Variants in ZIM2 observed in about 807,000 individuals in gnomAD.
ZIM2 encodes zinc finger imprinted 2.
In ZIM2, 14 loss-of-function variants were observed where a neutral mutation model predicts 38.6. That is an observed-to-expected ratio of 0.36 (90% CI 0.24 to 0.57). The LOEUF (loss-of-function observed/expected upper bound fraction) is 0.57. Ranked by LOEUF, ZIM2 falls within the 20% of genes least tolerant of loss-of-function variation. The pLI, the probability that ZIM2 is intolerant of heterozygous loss-of-function variation, is 0.81. For synonymous variants in ZIM2, 247 were observed against 245.8 expected (o/e 1.00, Z -0.04); for missense variants, 680 against 695.1 (o/e 0.98, Z 0.24).
chr19:56,824,502 G>C, intron 3 of ZIM2, 75 bp from the exon 4 acceptor site: 1 of 1,614,048 alleles, frequency 6.2e-7, no homozygotes, highest in Non-Finnish European at 8.5e-7. Flanking sequence ...ACATAGATTA[G>C]GTTCCGAAAC....
chr19:56,839,249 T>TC (rs1295772816), intron 1 of ZIM2, among the ~76,000 whole-genome samples: 2 of 96,776 alleles, frequency 2.1e-5, no homozygotes, highest in African/African-American at 8.1e-5. Flanking sequence ...CGCAGCAAAC[T>TC]CCAGCAGCCC....
Position 56,779,423 on chromosome 19 carries a change from TTCC to T in ZIM2, c.786_788del (p.Glu263del). 3 of 1,613,916 alleles carry T rather than the reference TTCC, an allele frequency of 1.9e-6. No individual in the cohort carries two copies. Among genetic ancestry groups the T allele is most frequent in the Non-Finnish European group, 2.5e-6 (3 of 1,179,872 alleles). On this transcript the variant is annotated inframe_deletion, in exon 12 of 13. Coordinates refer to ENST00000629319, the MANE Select transcript of ZIM2 (RefSeq NM_001387356.1). ...TGCTGTCTGTCTCCATTGCATATGA[TTCC>T]TCCTCTTCCAGGCGTGAGATAATGT...
At chr19:56,780,391 C>T (rs150938671) in intron 11 of ZIM2, among the ~76,000 whole-genome samples, 2 of 151,744 alleles carry the variant, frequency 1.3e-5, no homozygotes, top group East Asian at 1.9e-4. Flanking sequence ...TACAGGCGCC[C>T]GCCACCATAC....
At chr19:56,792,429 G>C (rs2046982078) in intron 9 of ZIM2, among the ~76,000 whole-genome samples, 1 of 150,378 alleles carries the variant, frequency 6.6e-6, no homozygotes, top group African/African-American at 2.5e-5. Context: ...TACTCGGGAG[G>C]CTGAGGCAGG....
intron 9 of ZIM2, among the ~76,000 whole-genome samples, chr19:56,803,370 T>C (rs118139533): frequency 1.2e-3 from 176 of 152,308 alleles, no homozygotes; most frequent in Admixed American, 4.2e-3. Context: ...GGTTCACTGG[T>C]AGGAGCAGCT....
At chr19:56,817,541 G>A (rs776749398) in intron 9 of ZIM2, 19 of 1,598,592 alleles carry the variant, frequency 1.2e-5, no homozygotes, top group East Asian at 4.5e-5. Flanking sequence ...ATCCCCCGCC[G>A]GTGGGTTGAT....
rs189931070 is a variant in ZIM2 at position 56,823,366 on chromosome 19, C to T, written c.106+224G>A. Among the ~76,000 whole-genome samples, 3 of 152,308 alleles carry T rather than the reference C, an allele frequency of 2.0e-5. No homozygotes were observed. In the East Asian group the frequency reaches 5.8e-4, roughly 29 times the overall value. ...TGCAAATTCCAAATAGCTTTATATA[C>T]TTTATCGTTGAATAAAACGGTATTA... On this transcript the variant is annotated intron_variant, in intron 5 of 12. Coordinates refer to ENST00000629319, the MANE Select transcript of ZIM2 (RefSeq NM_001387356.1).
At chr19:56,798,341 GA>G (rs1226388642) in intron 9 of ZIM2, 9 of 152,142 alleles carry the variant, frequency 5.9e-5, no homozygotes, top group African/African-American at 2.2e-4. Flanking sequence ...GTGTGCATGT[GA>G]CAAAAACAAG....
At position 56,821,631 on chromosome 19, in the gene ZIM2, G is replaced by C. The variant is rs767918005; in HGVS notation, c.294+20C>G. The stretch of plus-strand genomic sequence containing the variant: ...GAAATGAAGATGGCCTTTCTAGAAA[G>C]AGAGGAAACCTGAGCATACCTGAGA... On this transcript the variant is annotated intron_variant, in intron 7 of 12. Transcript: ENST00000629319. 8 of 1,611,698 alleles carry C rather than the reference G, an allele frequency of 5.0e-6. No homozygotes were observed. Among genetic ancestry groups the C allele is most frequent in the South Asian group, 4.4e-5 (4 of 90,668 alleles).
rs1425787601 is a variant in ZIM2 at position 56,821,704 on chromosome 19, C to T, written c.241G>A (p.Glu81Lys). 2 of 1,614,038 alleles carry T rather than the reference C, an allele frequency of 1.2e-6. No individual in the cohort carries two copies. The highest frequency in any genetic ancestry group is 1.7e-5 in the Admixed American group (1 of 60,006). The change falls in exon 7 of 13, where the codon GAA (glutamate) becomes AAA (lysine). Residue 81 changes from glutamate (E) to lysine (K), a missense_variant. Physicochemically the swap from Glu to Lys is moderately conservative, Grantham distance 56 (BLOSUM62 1). Transcript: ENST00000629319. ...TCCCTGTCGTCCTCTCTGTCCATTT[C>T]AAAGCTTGTTTTCGCCACCACAGGA... is the stretch of plus-strand genomic sequence containing the variant. ...SLPVVAKTSF[E>K]MDREDDRDSR... is the part of the protein sequence containing the mutation.
chr19:56,812,852 A>G (rs974175733), intron 9 of ZIM2: 4 of 985,706 alleles, frequency 4.1e-6, no homozygotes, highest in African/African-American at 1.7e-5. Context: ...CAAATGTGTA[A>G]TATTTTTGCA....
intron 9 of ZIM2, chr19:56,790,917 A>G (rs1403759216): frequency 6.6e-6 from 1 of 152,004 alleles, no homozygotes; most frequent in Non-Finnish European, 1.5e-5. Context: ...CCTTTCCTAC[A>G]TATTTTTCAC....
At chr19:56,798,804 T>C (rs973641699) in intron 9 of ZIM2, 6 of 152,090 alleles carry the variant, frequency 3.9e-5, no homozygotes, top group Admixed American at 3.9e-4. Context: ...GCAAAGGACG[T>C]GGACAGACAC....
At chr19:56,780,737 A>G (rs558065031) in intron 11 of ZIM2, among the ~76,000 whole-genome samples, 2 of 152,310 alleles carry the variant, frequency 1.3e-5, no homozygotes, top group South Asian at 4.1e-4. Context: ...ACTAAAATGG[A>G]AGAATAACAA....
intron 9 of ZIM2, chr19:56,799,620 TAAAA>T (rs940258001): frequency 6.6e-6 from 1 of 151,734 alleles, no homozygotes; most frequent in Admixed American, 6.6e-5. Context: ...AAGTTGGAAA[TAAAA>T]AAAACCCTAA....
chr19:56,807,337 G>C (rs1265177658), intron 9 of ZIM2, among the ~76,000 whole-genome samples: 1 of 152,186 alleles, frequency 6.6e-6, no homozygotes, highest in Non-Finnish European at 1.5e-5. Flanking sequence ...GGAAAAAATA[G>C]AATAAAGAAC....
chr19:56,832,211 T>C (rs1452450859), intron 2 of ZIM2, among the ~76,000 whole-genome samples: 1 of 152,240 alleles, frequency 6.6e-6, no homozygotes, highest in Non-Finnish European at 1.5e-5. Context: ...CAATTACTGT[T>C]TCCTAGCGTG....
In ZIM2 at chr19:56,813,516, TC is replaced by T. The variant is rs2059684907; in HGVS notation, c.490+4229del. The T allele has an allele frequency of 2.7e-5, 39 of 1,432,966 alleles. 2 individuals are homozygous for T. In the South Asian group the frequency reaches 5.9e-4, roughly 22 times the overall value. 88.8% of individuals were successfully genotyped at this position (1,432,966 alleles called of 1,614,324 possible). ...GCTTAAGACTGTGGAATCTGCACAT[TC>T]GGTCTCTTTTCAATCTGAGTTTAGA... On this transcript the variant is annotated intron_variant, in intron 9 of 12. Transcript: ENST00000629319.
At chr19:56,839,566 C>A (rs2062717706) in intron 1 of ZIM2, among the ~76,000 whole-genome samples, 1 of 150,020 alleles carries the variant, frequency 6.7e-6, no homozygotes, top group South Asian at 2.1e-4. Context: ...GCGGGCGGGG[C>A]CTGAGTGGAT....
Sources: allele counts gnomAD v4.1 joint callset (sites outside exome capture counted in the v4.1 genomes callset), GRCh38; gene constraint gnomAD v4.1.1; transcripts MANE v1.5; gene names NCBI Gene and HGNC (gene_info 2026-07-23, HGNC 2026-07-21).